Variants in TRAPPC14 observed in about 807,000 individuals in gnomAD.
TRAPPC14 encodes trafficking protein particle complex subunit 14.
In TRAPPC14, 24 loss-of-function variants were observed where a neutral mutation model predicts 56.6. The ratio of observed to expected loss-of-function variants is 0.42; its 90% CI spans 0.31 to 0.60. TRAPPC14 has a LOEUF of 0.60. Among genes scored for constraint, TRAPPC14 ranks in the 20% least tolerant of loss-of-function variants. TRAPPC14 has a pLI of 0.14. For missense variants in TRAPPC14, 615 were observed against 790.3 expected (o/e 0.78, Z 2.66); for synonymous variants, 377 against 347.0 (o/e 1.09, Z -0.96).
chr7:100,156,270 G>T (rs1036467493), intron 8 of TRAPPC14, 116 bp downstream of exon 8: 5 of 1,030,578 alleles, frequency 4.9e-6, no homozygotes, highest in Non-Finnish European at 7.2e-6. Context: ...GCCACAAGTC[G>T]CCTCCTGTGA....
intron 8 of TRAPPC14, 110 bp from the exon 9 acceptor site, chr7:100,155,935 A>T: frequency 2.9e-6 from 4 of 1,362,794 alleles, no homozygotes; most frequent in Non-Finnish European, 4.2e-6. Flanking sequence ...GAGTAAACTG[A>T]GCAAACGTTA....
At position 100,155,719 on chromosome 7, in the gene TRAPPC14, C is replaced by T. The variant is rs1171517315; in HGVS notation, c.1347G>A (p.Ala449=). ...NNLGFSRKGS[A]LTFSVAFQAL... is the part of the protein sequence containing the mutation. The stretch of plus-strand genomic sequence containing the variant: ...CCTGGAAGGCCACACTGAAGGTGAG[C>T]GCGCTGCCCTTCCGGGAAAAGCCAA... Residue 449 remains alanine, a synonymous_variant, in exon 9 of 11, where the codon GCG becomes GCA. Transcript: ENST00000316937. 3.7e-5 allele frequency: 59 copies of T among 1,613,590 alleles called. No individual in the cohort carries two copies. Among genetic ancestry groups the T allele is most frequent in the Non-Finnish European group, 4.5e-5 (53 of 1,179,750 alleles).
At position 100,155,801 on chromosome 7, in the gene TRAPPC14, C is replaced by T. The variant is rs572680283; in HGVS notation, c.1265G>A (p.Arg422His). Residue 422 changes from arginine (R) to histidine (H), a missense_variant, in exon 9 of 11, where the codon CGC (arginine) becomes CAC (histidine). Coordinates refer to ENST00000316937, the MANE Select transcript of TRAPPC14 (RefSeq NM_018275.5). The part of the protein sequence containing the change: ...QAGKQLCEEE[R>H]RAMQAALDSV... ...GTCCAGGGCAGCCTGCATGGCCCGG[C>T]GCTCCTCCTCACACAGCTGCTTTCC... The T allele has an allele frequency of 9.2e-5, 149 of 1,614,200 alleles. 1 individual carries two copies. In the South Asian group the frequency reaches 1.5e-3, roughly 16 times the overall value.
chr7:100,155,599 T>C (rs1798861451), intron 9 of TRAPPC14, 72 bp downstream of exon 9: 1 of 1,519,190 alleles, frequency 6.6e-7, no homozygotes, highest in Admixed American at 2.2e-5. Flanking sequence ...CCCCAAAATC[T>C]AAGGGTCCTG....
rs1798841074 is a variant in TRAPPC14, at chr7:100,154,901, C to T, written c.*110G>A. The stretch of plus-strand genomic sequence containing the variant: ...CAAGACAGGCAGCTCTGCCAGGCCT[C>T]TTCACCCCCGTCTGGGAGGCATCCC... On this transcript the variant is annotated 3_prime_UTR_variant, in exon 11 of 11. Coordinates refer to ENST00000316937, the MANE Select transcript of TRAPPC14 (RefSeq NM_018275.5). The T allele has an allele frequency of 1.6e-5, 18 of 1,104,134 alleles. No homozygotes were observed. In the South Asian group the frequency reaches 2.2e-4, roughly 14 times the overall value. The allele number at this position is 1,104,134 out of a possible 1,614,324, so 68.4% of individuals were successfully genotyped here.
chr7:100,156,052 C>T, intron 8 of TRAPPC14: 1 of 711,062 alleles, frequency 1.4e-6, no homozygotes, highest in South Asian at 1.5e-5. Flanking sequence ...ATATGAGTTG[C>T]TCTATTTTAA....
In TRAPPC14 at chr7:100,156,309, C is replaced by T; in HGVS notation, c.1240+77G>A. Reference sequence around the variant, plus strand: ...GGCTGGCACCAAATTTGGCTGTTTTCACTGTCCTGCCTCCCTGACTTTTTC... The same window carrying T: ...GGCTGGCACCAAATTTGGCTGTTTTTACTGTCCTGCCTCCCTGACTTTTTC... On this transcript the variant is annotated intron_variant, in intron 8 of 10. Transcript: ENST00000316937. The T allele has an allele frequency of 3.3e-6, 5 of 1,521,486 alleles. No homozygotes were observed. In the South Asian group the frequency reaches 6.1e-5, roughly 19 times the overall value. 94.2% of individuals were successfully genotyped at this position (1,521,486 alleles called of 1,614,324 possible).
Position 100,158,667 on chromosome 7 carries a change from A to T in TRAPPC14, c.-168T>A. ...ACCGGGGCAACGAACCCGAACCGAG[A>T]CCCGGCAGCGCCGGAACCGGGGTAC... On this transcript the variant is annotated 5_prime_UTR_variant, in exon 1 of 11. Coordinates refer to ENST00000316937, the MANE Select transcript of TRAPPC14 (RefSeq NM_018275.5). 2 of 572,116 alleles carry T rather than the reference A, an allele frequency of 3.5e-6. No individual in the cohort carries two copies. Among genetic ancestry groups the T allele is most frequent in the Non-Finnish European group, 5.2e-6 (2 of 383,744 alleles). The allele number at this position is 572,116 out of a possible 1,614,324, so 35.4% of individuals were successfully genotyped here. A position where few individuals can be genotyped will look rare whatever the true frequency, so the allele number is the denominator to read the frequency against.
chr7:100,157,433 G>C lies in TRAPPC14; in HGVS notation c.664C>G (p.Pro222Ala), dbSNP rs1164149409. The change falls in exon 4 of 11, where the codon CCT becomes GCT. Residue 222 changes from proline to alanine, a missense_variant. Physicochemically the swap from Pro to Ala is conservative, Grantham distance 27. Transcript: ENST00000316937. ...QVSTLLTLLP[P>A]PVLRCRQFTV... ...AACTGCCGGCATCTCAGAACCGGAG[G>C]GGGCAGCAGAGTCAGCAGCGTGCTC... 8 of 1,613,766 alleles carry C rather than the reference G, an allele frequency of 5.0e-6. No individual in the cohort carries two copies. Among genetic ancestry groups the C allele is most frequent in the South Asian group, 1.1e-5 (1 of 91,056 alleles).
Position 100,154,807 on chromosome 7 carries a change from A to C in TRAPPC14, c.*204T>G. 2 of 604,268 alleles carry C rather than the reference A, an allele frequency of 3.3e-6. No homozygotes were observed. Among genetic ancestry groups the C allele is most frequent in the Non-Finnish European group, 5.9e-6 (2 of 340,726 alleles). 37.4% of individuals were successfully genotyped at this position (604,268 alleles called of 1,614,324 possible). A position where few individuals can be genotyped will look rare whatever the true frequency, so the allele number is the denominator to read the frequency against. ...CCCCCCCCACAGGAACTCGGGGAAT[A>C]CTGGTGGCTTAGTCCCAGCCATGCC... On this transcript the variant is annotated 3_prime_UTR_variant, in exon 11 of 11. Transcript: ENST00000316937.
At chr7:100,155,592 C>A in intron 9 of TRAPPC14, 79 bp downstream of exon 9, 4 of 1,516,862 alleles carry the variant, frequency 2.6e-6, no homozygotes, top group Non-Finnish European at 3.5e-6. Context: ...ATTTCATCCC[C>A]AAAATCTAAG....
Position 100,155,117 on chromosome 7 carries a change from G to A in TRAPPC14, c.1637C>T (p.Ser546Phe), listed in dbSNP as rs755132096. The change falls in exon 11 of 11, where the codon TCT (serine) becomes TTT (phenylalanine). Residue 546 changes from serine (S) to phenylalanine (F), a missense_variant. Coordinates refer to ENST00000316937, the MANE Select transcript of TRAPPC14 (RefSeq NM_018275.5). ...CAGGTAGAGGGGGCGGCCAACAGGA[G>A]AGGCCACAGGGGGCGTGATGGCTCT... Reference protein sequence around the residue: ...ERRAITPPVASPVGRPLYLPP... With the variant: ...ERRAITPPVAFPVGRPLYLPP... 30 of 1,613,584 alleles carry A rather than the reference G, an allele frequency of 1.9e-5. No homozygotes were observed. Among genetic ancestry groups the A allele is most frequent in the Admixed American group, 8.3e-5 (5 of 59,974 alleles).
At position 100,155,164 on chromosome 7, in the gene TRAPPC14, C is replaced by T. The variant is rs1280694829; in HGVS notation, c.1590G>A (p.Arg530=). ...HQQPSRSHLM[R]SGSVMERRAI... The stretch of plus-strand genomic sequence containing the variant: ...CTCTGCGCTCCATCACACTGCCCGA[C>T]CTGGGGGAAGGCAGAGGCTGTGGGC... Residue 530 remains arginine (R), a splice_region_variant and synonymous_variant, in exon 11 of 11, where the codon AGG becomes AGA. Coordinates refer to ENST00000316937, the MANE Select transcript of TRAPPC14 (RefSeq NM_018275.5). 6.2e-7 allele frequency: 1 copy of T among 1,610,568 alleles called. No individual in the cohort carries two copies. Among genetic ancestry groups the T allele is most frequent in the African/African-American group, 1.3e-5 (1 of 74,898 alleles).
intron 10 of TRAPPC14, 28 bp from the exon 11 acceptor site, chr7:100,155,192 T>C: frequency 6.2e-7 from 1 of 1,609,208 alleles, no homozygotes; most frequent in Non-Finnish European, 8.5e-7. Context: ...CTGTGGGCGC[T>C]GGTCAGACCC....
chr7:100,155,996 G>T, intron 8 of TRAPPC14, 171 bp from the exon 9 acceptor site: 2 of 870,396 alleles, frequency 2.3e-6, no homozygotes, highest in Non-Finnish European at 3.9e-6. Flanking sequence ...TGTGTGCAAG[G>T]CACGTCACGT....
Position 100,155,088 on chromosome 7 carries a change from G to A in TRAPPC14, c.1666C>T (p.Pro556Ser). The change falls in exon 11 of 11, where the codon CCG (proline) becomes TCG (serine). Residue 556 changes from proline (P) to serine (S), a missense_variant. Coordinates refer to ENST00000316937, the MANE Select transcript of TRAPPC14 (RefSeq NM_018275.5). ...TCCAGAGACAACACAGCCTTGTCCG[G>A]GGGCAGGTAGAGGGGGCGGCCAACA... is the stretch of plus-strand genomic sequence containing the variant. ...SPVGRPLYLP[P>S]DKAVLSLDKI... The A allele has an allele frequency of 1.2e-6, 2 of 1,614,012 alleles. No homozygotes were observed. The highest frequency in any genetic ancestry group is 1.7e-6 in the Non-Finnish European group (2 of 1,179,888).
chr7:100,158,183 C>G lies in TRAPPC14; in HGVS notation c.317G>C (p.Gly106Ala), dbSNP rs751159705. 27 of 1,454,324 alleles carry G rather than the reference C, an allele frequency of 1.9e-5. No individual in the cohort carries two copies. The South Asian group carries it at 2.2e-4, about 12-fold the overall frequency. 90.1% of individuals were successfully genotyped at this position (1,454,324 alleles called of 1,614,324 possible). Reference sequence around the variant, plus strand: ...ACCCCCACCCCCAGGATCCCCTCCCCCTGGGGGCTCCGAATCCTGGTCGCC... The same window carrying G: ...ACCCCCACCCCCAGGATCCCCTCCCGCTGGGGGCTCCGAATCCTGGTCGCC... ...GAGDQDSEPP[G>A]GGDPGGGGLF... The change falls in exon 1 of 11, where the codon GGG becomes GCG. Residue 106 changes from glycine (G) to alanine (A), a missense_variant. Gly to Ala is a moderately conservative substitution (Grantham distance 60, BLOSUM62 0). Coordinates refer to ENST00000316937, the MANE Select transcript of TRAPPC14 (RefSeq NM_018275.5).
At chr7:100,155,500 C>T in intron 9 of TRAPPC14, 45 bp from the exon 10 acceptor site, 1 of 1,515,662 alleles carries the variant, frequency 6.6e-7, no homozygotes, top group African/African-American at 1.4e-5. Flanking sequence ...CTTCCAGGAC[C>T]CAGGCCTCCT....
chr7:100,157,862 G>A lies in TRAPPC14; in HGVS notation c.488C>T (p.Pro163Leu). ...PLTVSLDRLP[P>L]GTPKAKIVVT... The stretch of plus-strand genomic sequence containing the variant: ...TCTTACCTTGGCCTTAGGTGTCCCT[G>A]GGGGCAGTCTATCCAGTGAAACGGT... Residue 163 changes from proline (P) to leucine (L), a missense_variant, in exon 2 of 11, where the codon CCA becomes CTA. Coordinates refer to ENST00000316937, the MANE Select transcript of TRAPPC14 (RefSeq NM_018275.5). The A allele has an allele frequency of 1.3e-6, 2 of 1,589,386 alleles. No individual in the cohort carries two copies. The highest frequency in any genetic ancestry group is 1.7e-5 in the Admixed American group (1 of 58,620).
Sources: allele counts gnomAD v4.1 joint callset, GRCh38; gene constraint gnomAD v4.1.1; transcripts MANE v1.5; gene names NCBI Gene and HGNC (gene_info 2026-07-23, HGNC 2026-07-21).